IGF2BP3: variants seen among roughly 807,000 people sequenced by gnomAD.
IGF2BP3 encodes insulin like growth factor 2 mRNA binding protein 3.
IGF2BP3 carries 9 observed loss-of-function variants against 73.8 expected under a neutral mutation model. The observed-to-expected ratio is 0.12, with a 90% CI of 0.07 to 0.21. The LOEUF is 0.21. Among genes scored for constraint, IGF2BP3 ranks in the 10% least tolerant of loss-of-function variants. The probability of loss-of-function intolerance (pLI) is 1.00; values close to 1 mark genes in which losing one functional copy is unlikely to be tolerated. For missense variants in IGF2BP3, 542 were observed against 714.0 expected (o/e 0.76, Z 2.75); for synonymous variants, 258 against 256.7 (o/e 1.01, Z -0.05).
At chr7:23,418,698 A>T in intron 3 of IGF2BP3, 78 bp downstream of exon 3, 1 of 914,028 alleles carries the variant, frequency 1.1e-6, no homozygotes, top group Non-Finnish European at 1.7e-6. Flanking sequence ...AGTTGAGGAA[A>T]GGAGAAAAAG....
intron 2 of IGF2BP3, among the ~76,000 whole-genome samples, chr7:23,446,550 C>T (rs1295422346): frequency 6.6e-6 from 1 of 151,966 alleles, no homozygotes; most frequent in Non-Finnish European, 1.5e-5. Context: ...GAGCAAGACT[C>T]CATCTTGAAC....
At chr7:23,442,051 T>C (rs188683914) in intron 2 of IGF2BP3, among the ~76,000 whole-genome samples, 2,385 of 152,188 alleles carry the variant, frequency 0.016, 60 homozygotes, top group African/African-American at 0.054. Context: ...CACTTGAACC[T>C]GGGAGGCAGA....
intron 10 of IGF2BP3, among the ~76,000 whole-genome samples, chr7:23,325,438 G>C (rs992130473): frequency 7.2e-5 from 11 of 152,160 alleles, no homozygotes; most frequent in Non-Finnish European, 1.6e-4. Context: ...CAAACAAATG[G>C]AAGAACATTC....
chr7:23,389,922 G>GC (rs965639618), intron 3 of IGF2BP3, among the ~76,000 whole-genome samples: 9 of 151,850 alleles, frequency 5.9e-5, no homozygotes, highest in African/African-American at 1.9e-4. Flanking sequence ...GCTGCAGTGA[G>GC]CCGTGACTGA....
intron 2 of IGF2BP3, among the ~76,000 whole-genome samples, chr7:23,433,543 C>T (rs1386081682): frequency 2.7e-5 from 4 of 150,440 alleles, no homozygotes; most frequent in East Asian, 1.9e-4. Context: ...TGTAGTGGCA[C>T]GACCATAGCT....
chr7:23,356,920 G>T (rs1785110758), intron 5 of IGF2BP3, among the ~76,000 whole-genome samples: 1 of 152,142 alleles, frequency 6.6e-6, no homozygotes, highest in Non-Finnish European at 1.5e-5. Context: ...ACTGTGGTGA[G>T]GATCCAACAC....
chr7:23,398,922 C>G (rs925863802), intron 3 of IGF2BP3, among the ~76,000 whole-genome samples: 3 of 152,142 alleles, frequency 2.0e-5, no homozygotes, highest in Non-Finnish European at 4.4e-5. Flanking sequence ...AATTAGATCC[C>G]ATTTGTCAAT....
chr7:23,415,040 C>T (rs565725255), intron 3 of IGF2BP3: 7 of 201,410 alleles, frequency 3.5e-5, no homozygotes, highest in South Asian at 2.4e-4. Context: ...TCCCATCCGT[C>T]AGTCAGCATC....
chr7:23,399,910 G>C (rs918669254), intron 3 of IGF2BP3, among the ~76,000 whole-genome samples: 14 of 152,010 alleles, frequency 9.2e-5, no homozygotes, highest in Admixed American at 9.2e-4. Flanking sequence ...CCTAAGAAAG[G>C]AATCACATTT....
chr7:23,315,757 T>G (rs1783972407), intron 12 of IGF2BP3, among the ~76,000 whole-genome samples: 1 of 152,122 alleles, frequency 6.6e-6, no homozygotes, highest in East Asian at 1.9e-4. Flanking sequence ...AAACTGAAGC[T>G]CTTGAATTTG....
intron 3 of IGF2BP3, among the ~76,000 whole-genome samples, chr7:23,366,987 G>GT (rs1302051017): frequency 2.2e-4 from 28 of 127,658 alleles, no homozygotes; most frequent in Non-Finnish European, 2.8e-4. Context: ...CTCACATTTT[G>GT]CTTTTTTTTT....
chr7:23,465,908 C>T (rs1158355156), intron 2 of IGF2BP3, among the ~76,000 whole-genome samples: 1 of 152,148 alleles, frequency 6.6e-6, no homozygotes, highest in African/African-American at 2.4e-5. Context: ...GCCTTCTCTG[C>T]CCGCTTCCAG....
intron 10 of IGF2BP3, among the ~76,000 whole-genome samples, chr7:23,328,674 A>C (rs1026641349): frequency 2.0e-5 from 3 of 152,250 alleles, no homozygotes; most frequent in African/African-American, 7.2e-5. Context: ...TGAAAATAGC[A>C]AGAATTTGTC....
At position 23,347,659 on chromosome 7, in the gene IGF2BP3, G is replaced by A; in HGVS notation, c.759C>T (p.Thr253=). Residue 253 remains threonine (T), a synonymous_variant, in exon 7 of 15, where the codon ACC becomes ACT. Transcript: ENST00000258729. ...CCAGAATAGACTTACAAGCCGCAGA[G>A]GTGCCTTCAGGAGTAGAGAGGATAG... is the stretch of plus-strand genomic sequence containing the variant. ...SITILSTPEG[T]SAACKSILEI... 6.2e-7 allele frequency: 1 copy of A among 1,614,082 alleles called. No individual in the cohort carries two copies. Among genetic ancestry groups the A allele is most frequent in the Non-Finnish European group, 8.5e-7 (1 of 1,180,006 alleles).
At chr7:23,433,284 A>G (rs1787732465) in intron 2 of IGF2BP3, among the ~76,000 whole-genome samples, 1 of 152,078 alleles carries the variant, frequency 6.6e-6, no homozygotes, top group African/African-American at 2.4e-5. Context: ...TAGAAACCGT[A>G]CATCTTAAGC....
At chr7:23,452,309 A>G (rs936823654) in intron 2 of IGF2BP3, among the ~76,000 whole-genome samples, 1 of 152,100 alleles carries the variant, frequency 6.6e-6, no homozygotes. Context: ...TGGCCAGAAT[A>G]GGGTATGTTT....
chr7:23,448,266 C>A (rs116237772), intron 2 of IGF2BP3, among the ~76,000 whole-genome samples: 1,530 of 152,276 alleles, frequency 0.01, 21 homozygotes, highest in African/African-American at 0.034. Flanking sequence ...TCCTTAGGCA[C>A]GACCTGGTAT....
chr7:23,327,979 G>A (rs768083199), intron 10 of IGF2BP3, among the ~76,000 whole-genome samples: 14 of 152,232 alleles, frequency 9.2e-5, no homozygotes, highest in Admixed American at 4.6e-4. Context: ...AGGCCATTCC[G>A]TAGGTCACAG....
intron 12 of IGF2BP3, among the ~76,000 whole-genome samples, chr7:23,315,111 A>AT (rs1043377265): frequency 1.0e-4 from 15 of 149,432 alleles, no homozygotes; most frequent in East Asian, 7.9e-4. Context: ...CCTGCCTTTT[A>AT]TTTTTTTTTA....
Sources: gnomAD v4.1 joint callset for allele counts (sites outside exome capture counted in the v4.1 genomes callset) on GRCh38, gnomAD v4.1.1 for gene constraint, MANE v1.5 for transcripts, NCBI Gene and HGNC (gene_info 2026-07-23, HGNC 2026-07-21) for gene names.